Variants in C3orf33 observed in about 807,000 individuals in gnomAD.
C3orf33 encodes the protein AP-1 activity suppressor.
C3orf33 carries 23 observed loss-of-function variants against 28.7 expected under a neutral mutation model. The ratio of observed to expected loss-of-function variants is 0.80; its 90% CI spans 0.58 to 1.13. The LOEUF is 1.13. Among genes scored for constraint, C3orf33 ranks in the 50% most tolerant of loss-of-function variants. The probability of loss-of-function intolerance (pLI) is 0.00; values close to 1 mark genes in which losing one functional copy is unlikely to be tolerated. For missense variants in C3orf33, 327 were observed against 353.4 expected, an observed-to-expected ratio of 0.93 and a Z score of 0.60; for synonymous variants, 119 against 120.5, an observed-to-expected ratio of 0.99 and a Z score of 0.08.
chr3:155,773,742 A>C (rs1750657140), intron 3 of C3orf33, among the ~76,000 whole-genome samples: 1 of 152,224 alleles, frequency 6.6e-6, no homozygotes, highest in African/African-American at 2.4e-5. Flanking sequence ...TAGCCTGGAC[A>C]ACCACAGGTG....
At chr3:155,788,605 C>G (rs914260455) in intron 2 of C3orf33, among the ~76,000 whole-genome samples, 1 of 151,662 alleles carries the variant, frequency 6.6e-6, no homozygotes, top group Non-Finnish European at 1.5e-5. Flanking sequence ...TTGCTTGAAC[C>G]CGGGATGCAG....
chr3:155,773,859 T>G (rs1465439030), intron 3 of C3orf33, among the ~76,000 whole-genome samples: 1 of 152,242 alleles, frequency 6.6e-6, no homozygotes, highest in Non-Finnish European at 1.5e-5. Flanking sequence ...TAAATCCTGC[T>G]TAGAGCTGAG....
chr3:155,805,627 T>C (rs1165077941), intron 1 of C3orf33: 1 of 454,092 alleles, frequency 2.2e-6, no homozygotes, highest in Non-Finnish European at 4.4e-6. Context: ...GAGGCTGAAG[T>C]GGGAGGATCT....
intron 1 of C3orf33, among the ~76,000 whole-genome samples, chr3:155,802,806 C>T (rs971172527): frequency 3.3e-5 from 5 of 152,114 alleles, no homozygotes; most frequent in African/African-American, 1.2e-4. Flanking sequence ...AATTCTTTCC[C>T]AATCTGGCAC....
At chr3:155,799,180 A>G (rs1440824641) in intron 2 of C3orf33, among the ~76,000 whole-genome samples, 1 of 152,206 alleles carries the variant, frequency 6.6e-6, no homozygotes, top group Non-Finnish European at 1.5e-5. Flanking sequence ...AAAAATGTAA[A>G]TTATTACAAC....
chr3:155,764,719 G>A (rs919470472), intron 4 of C3orf33, among the ~76,000 whole-genome samples: 1 of 151,844 alleles, frequency 6.6e-6, no homozygotes, highest in Non-Finnish European at 1.5e-5. Context: ...AGCCGGGTGC[G>A]ATGGCAGGTG....
intron 2 of C3orf33, among the ~76,000 whole-genome samples, chr3:155,781,713 G>C (rs1750928835): frequency 7.0e-6 from 1 of 142,480 alleles, no homozygotes; most frequent in African/African-American, 2.7e-5. Context: ...AGTTTGCAGT[G>C]AGCCAAAATC....
intron 1 of C3orf33, 26 bp downstream of exon 1, chr3:155,806,113 C>A (rs1430510653): frequency 1.4e-6 from 2 of 1,379,574 alleles, no homozygotes; most frequent in Non-Finnish European, 9.5e-7. Flanking sequence ...CGCCCACCAC[C>A]CGCCCAGACT....
chr3:155,803,537 C>A (rs1397630577), intron 1 of C3orf33, among the ~76,000 whole-genome samples: 2 of 138,532 alleles, frequency 1.4e-5, no homozygotes, highest in Non-Finnish European at 3.0e-5. Flanking sequence ...TGCACTCCAG[C>A]CTGGGTAACA....
chr3:155,768,846 G>T (rs944389231), intron 3 of C3orf33, among the ~76,000 whole-genome samples: 1 of 152,156 alleles, frequency 6.6e-6, no homozygotes, highest in South Asian at 2.1e-4. Flanking sequence ...TTGTACTACT[G>T]CACTCCAGCC....
chr3:155,787,462 C>A (rs930394210), intron 2 of C3orf33, among the ~76,000 whole-genome samples: 6 of 151,300 alleles, frequency 4.0e-5, no homozygotes, highest in African/African-American at 1.2e-4. Flanking sequence ...AGCAATTCTC[C>A]TGCCTCAGCC....
intron 1 of C3orf33, among the ~76,000 whole-genome samples, chr3:155,803,393 G>A (rs1038052884): frequency 2.6e-5 from 4 of 151,600 alleles, no homozygotes; most frequent in African/African-American, 4.8e-5. Context: ...GTGAAACCTC[G>A]TCTCTACTAA....
intron 2 of C3orf33, among the ~76,000 whole-genome samples, chr3:155,796,567 T>A (rs1296536853): frequency 1.3e-5 from 2 of 152,198 alleles, no homozygotes; most frequent in Non-Finnish European, 2.9e-5. Flanking sequence ...ACTCAATGAC[T>A]TCATTGCTGA....
intron 2 of C3orf33, among the ~76,000 whole-genome samples, chr3:155,801,218 G>A (rs1481740198): frequency 6.6e-6 from 1 of 151,598 alleles, no homozygotes; most frequent in African/African-American, 2.4e-5. Flanking sequence ...GGCTGAGGCA[G>A]GAGAATTGCT....
intron 2 of C3orf33, among the ~76,000 whole-genome samples, chr3:155,787,479 G>A (rs754776553): frequency 3.3e-5 from 5 of 150,038 alleles, no homozygotes; most frequent in Admixed American, 1.3e-4. Flanking sequence ...AGCCTCCCCC[G>A]TAGCTGGGAC....
At chr3:155,803,275 A>C (rs577403014) in intron 1 of C3orf33, among the ~76,000 whole-genome samples, 95 of 152,262 alleles carry the variant, frequency 6.2e-4, no homozygotes, top group African/African-American at 2.1e-3. Flanking sequence ...GTATATAAGA[A>C]ATGAGATTGG....
rs1294077271 is a variant in C3orf33, at chr3:155,789,734, G to A, written c.174+12798C>T. Among the ~76,000 whole-genome samples, 3 of 152,088 alleles carry A rather than the reference G, an allele frequency of 2.0e-5. No homozygotes were observed. The East Asian group carries it at 5.8e-4, about 29-fold the overall frequency. ...TTTCAAAACATATTTAGAAGCTACA[G>A]TAATCAAAACAGGGTAGTACTGGCA... On this transcript the variant is annotated intron_variant, in intron 2 of 4. Coordinates refer to ENST00000340171, the MANE Select transcript of C3orf33 (RefSeq NM_001308229.2).
intron 2 of C3orf33, among the ~76,000 whole-genome samples, chr3:155,797,623 T>G (rs1751518605): frequency 6.6e-6 from 1 of 152,128 alleles, no homozygotes; most frequent in African/African-American, 2.4e-5. Context: ...GGATACAATA[T>G]CAATATATAA....
chr3:155,803,309 T>A (rs1751706747), intron 1 of C3orf33, among the ~76,000 whole-genome samples: 1 of 152,148 alleles, frequency 6.6e-6, no homozygotes, highest in Admixed American at 6.6e-5. Context: ...CTCACACCTG[T>A]AATCCCAACA....
Sources: allele counts gnomAD v4.1 joint callset (sites outside exome capture counted in the v4.1 genomes callset), GRCh38; gene constraint gnomAD v4.1.1; transcripts MANE v1.5; gene names NCBI Gene and HGNC (gene_info 2026-07-23, HGNC 2026-07-21).